Variants in CDH10 observed in about 807,000 individuals in gnomAD.
CDH10 encodes cadherin 10.
A neutral mutation model predicts 73.1 loss-of-function variants in CDH10; 30 were observed. That is an observed-to-expected ratio of 0.41 (90% confidence interval 0.31 to 0.56). The LOEUF is 0.56. CDH10 is among the 20% of genes least tolerant of loss of function. The pLI is 0.27. For missense variants in CDH10, 815 were observed against 973.7 expected (o/e 0.84, Z 2.17); for synonymous variants, 345 against 348.2 (o/e 0.99, Z 0.10).
At chr5:24,586,045 T>C (rs1745981561) in intron 2 of CDH10, among the ~76,000 whole-genome samples, 1 of 152,192 alleles carries the variant, frequency 6.6e-6, no homozygotes, top group Admixed American at 6.5e-5. Flanking sequence ...CACTGAATGC[T>C]GAGAAATTTG....
intron 2 of CDH10, among the ~76,000 whole-genome samples, chr5:24,590,034 AG>A (rs1236689050): frequency 6.6e-6 from 1 of 152,158 alleles, no homozygotes; most frequent in East Asian, 1.9e-4. Context: ...AGATTCTTAA[AG>A]GTCAGTGTTA....
chr5:24,591,315 C>T (rs2112086916), intron 2 of CDH10, among the ~76,000 whole-genome samples: 1 of 151,894 alleles, frequency 6.6e-6, no homozygotes, highest in Admixed American at 6.6e-5. Flanking sequence ...GAAATGTGAG[C>T]TAAAATCTAG....
At chr5:24,589,560 T>C (rs1334007737) in intron 2 of CDH10, among the ~76,000 whole-genome samples, 1 of 152,024 alleles carries the variant, frequency 6.6e-6, no homozygotes, top group African/African-American at 2.4e-5. Context: ...TTTAACATGC[T>C]TTTTACCACC....
At chr5:24,642,483 C>G (rs558613809) in intron 1 of CDH10, among the ~76,000 whole-genome samples, 1 of 152,162 alleles carries the variant, frequency 6.6e-6, no homozygotes, top group African/African-American at 2.4e-5. Flanking sequence ...AAAAACATAC[C>G]TCTTCCAGAT....
At chr5:24,516,452 A>G (rs6885158) in intron 5 of CDH10, among the ~76,000 whole-genome samples, 72,228 of 151,458 alleles carry the variant, frequency 0.48, 17,284 homozygotes, top group East Asian at 0.58. Flanking sequence ...AATTAATACC[A>G]CCATTTACTA....
rs1422053023 is a variant in CDH10, at chr5:24,487,518, G to A, written c.*145C>T. The A allele has an allele frequency of 2.2e-5, 16 of 712,366 alleles. No individual in the cohort carries two copies. Among genetic ancestry groups the A allele is most frequent in the Admixed American group, 4.8e-5 (2 of 41,514 alleles). The allele number at this position is 712,366 out of a possible 1,614,324, so 44.1% of individuals were successfully genotyped here. ...AGACATCCTACAGGAAAGAATTAAT[G>A]TAATTAATGAACAAATTAAGAAGTA... On this transcript the variant is annotated 3_prime_UTR_variant, in exon 12 of 12. Coordinates refer to ENST00000264463, the MANE Select transcript of CDH10 (RefSeq NM_006727.5).
chr5:24,495,516 A>C (rs1465965197), intron 9 of CDH10, among the ~76,000 whole-genome samples: 1 of 152,044 alleles, frequency 6.6e-6, no homozygotes. Context: ...GAAGCCTTGG[A>C]GTTTCCGTTA....
chr5:24,586,390 A>T (rs1337799327), intron 2 of CDH10, among the ~76,000 whole-genome samples: 4 of 149,890 alleles, frequency 2.7e-5, no homozygotes, highest in Admixed American at 1.3e-4. Flanking sequence ...CTCCCCTCTC[A>T]ATTTTAATCC....
intron 2 of CDH10, among the ~76,000 whole-genome samples, chr5:24,542,710 G>T (rs932568131): frequency 6.6e-6 from 1 of 152,200 alleles, no homozygotes; most frequent in South Asian, 2.1e-4. Context: ...AGACTGGGAA[G>T]TCCAAGACCA....
rs2111649802 is a variant in CDH10, at chr5:24,492,861, C to A, written c.1580G>T (p.Ser527Ile). ...DPLGGQKFFFSLAAVNPNFTV... is the reference protein window; with the variant it reads ...DPLGGQKFFFILAAVNPNFTV... Reference sequence around the variant, plus strand: ...GAAGTTTGGATTGACAGCAGCTAAACTGAAAAAAAATTTCTGTCCACCTAA... The same window carrying A: ...GAAGTTTGGATTGACAGCAGCTAAAATGAAAAAAAATTTCTGTCCACCTAA... Residue 527 changes from serine to isoleucine, a missense_variant, in exon 10 of 12, where the codon AGT (serine) becomes ATT (isoleucine). Around this residue, in one of 3 missense-constraint regions of CDH10, gnomAD observed 516 missense variants for 636.6 expected, o/e 0.81. Coordinates refer to ENST00000264463, the MANE Select transcript of CDH10 (RefSeq NM_006727.5). 6.3e-7 allele frequency: 1 copy of A among 1,588,758 alleles called. No individual in the cohort carries two copies. Among genetic ancestry groups the A allele is most frequent in the Non-Finnish European group, 8.6e-7 (1 of 1,157,348 alleles).
intron 6 of CDH10, among the ~76,000 whole-genome samples, chr5:24,511,054 T>C (rs897865284): frequency 6.6e-6 from 1 of 152,240 alleles, no homozygotes; most frequent in Admixed American, 6.5e-5. Flanking sequence ...TGGGCTTTTA[T>C]TAATGTGGCT....
At chr5:24,507,717 T>C (rs1159567222) in intron 7 of CDH10, among the ~76,000 whole-genome samples, 2 of 151,752 alleles carry the variant, frequency 1.3e-5, no homozygotes, top group Non-Finnish European at 2.9e-5. Flanking sequence ...AAATATTTAA[T>C]GAAGAAAATT....
intron 2 of CDH10, among the ~76,000 whole-genome samples, chr5:24,573,792 A>G (rs536582161): frequency 4.3e-4 from 64 of 148,422 alleles, no homozygotes; most frequent in African/African-American, 1.5e-3. Flanking sequence ...TCTTGTATAT[A>G]TTCATATATT....
intron 7 of CDH10, among the ~76,000 whole-genome samples, chr5:24,508,905 T>C (rs1742794006): frequency 6.6e-6 from 1 of 152,150 alleles, no homozygotes; most frequent in African/African-American, 2.4e-5. Flanking sequence ...TGGTTGCATG[T>C]AAACGCAGAG....
At chr5:24,562,681 C>T (rs943099474) in intron 2 of CDH10, among the ~76,000 whole-genome samples, 2 of 151,866 alleles carry the variant, frequency 1.3e-5, no homozygotes, top group African/African-American at 4.8e-5. Context: ...AAAATATTTC[C>T]CTGTAAGTTA....
rs557659819 is a variant in CDH10 at position 24,488,480 on chromosome 5, A to G, written c.1877-327T>C. 3.5e-4 allele frequency among the ~76,000 whole-genome samples: 54 copies of G among 152,318 alleles called. 1 individual carries two copies. In the South Asian group the frequency reaches 0.011, roughly 32 times the overall value. On this transcript the variant is annotated intron_variant, in intron 11 of 11. Coordinates refer to ENST00000264463, the MANE Select transcript of CDH10 (RefSeq NM_006727.5). The stretch of plus-strand genomic sequence containing the variant: ...ATAATATTTATCTTCTGCATTAAAT[A>G]AGGAACATAAGATACTATATAAAAT...
intron 1 of CDH10, among the ~76,000 whole-genome samples, chr5:24,619,882 G>C (rs779471476): frequency 6.6e-6 from 1 of 152,080 alleles, no homozygotes; most frequent in African/African-American, 2.4e-5. Flanking sequence ...TACTGACTCT[G>C]CTCTCCTTCA....
intron 2 of CDH10, among the ~76,000 whole-genome samples, chr5:24,567,636 T>G (rs1745210938): frequency 6.6e-6 from 1 of 152,040 alleles, no homozygotes; most frequent in Non-Finnish European, 1.5e-5. Flanking sequence ...TGGTTGCCTA[T>G]TGAAATAGGA....
rs1741906539 is a variant in CDH10, at chr5:24,487,998, G to A, written c.2032C>T (p.Pro678Ser). Residue 678 changes from proline (P) to serine (S), a missense_variant, in exon 12 of 12, where the codon CCT (proline) becomes TCT (serine). Coordinates refer to ENST00000264463, the MANE Select transcript of CDH10 (RefSeq NM_006727.5). Reference protein sequence around the residue: ...QAFDIGTLRNPAAIEEKKLRR... With the variant: ...QAFDIGTLRNSAAIEEKKLRR... ...AGCTTTTTTTCCTCAATGGCTGCAG[G>A]ATTCCTCAGGGTGCCGATATCAAAG... 1 of 1,613,746 alleles carries A rather than the reference G, an allele frequency of 6.2e-7. No individual in the cohort carries two copies. The highest frequency in any genetic ancestry group is 1.7e-5 in the Admixed American group (1 of 59,954).
Sources: gnomAD v4.1 joint callset for allele counts (sites outside exome capture counted in the v4.1 genomes callset) on GRCh38, gnomAD v4.1.1 for gene constraint, gnomAD v4.1.1 regional missense constraint, MANE v1.5 for transcripts, NCBI Gene and HGNC (gene_info 2026-07-23, HGNC 2026-07-21) for gene names.